The following ADGRB1 variants were observed in gnomAD, a reference collection of about 807,000 sequenced individuals.
The protein encoded by ADGRB1 is adhesion G protein-coupled receptor B1.
In ADGRB1, 36 loss-of-function variants were observed where a neutral mutation model predicts 175.7. That is an observed-to-expected ratio of 0.20 (90% confidence interval 0.16 to 0.27). ADGRB1 has a LOEUF of 0.27. ADGRB1 is among the 10% of genes least tolerant of loss of function. The probability of loss-of-function intolerance (pLI) is 1.00; values close to 1 mark genes in which losing one functional copy is unlikely to be tolerated. For synonymous variants in ADGRB1, 1,054 were observed against 979.4 expected (o/e 1.08, Z -1.42); for missense variants, 1,731 against 2,255.3 (o/e 0.77, Z 4.71).
chr8:142,501,528 GGGTGGTGGTGGTGATGGTGATGT>G (rs1195234522), intron 17 of ADGRB1, among the ~76,000 whole-genome samples: 1 of 144,546 alleles, frequency 6.9e-6, no homozygotes, highest in African/African-American at 2.8e-5. Context: ...GATGGAGGTG[GGGTGGTGGTGGTGATGGTGATGT>G]GGTGGTGGTG....
At chr8:142,477,790 CA>C (rs1302281764) in intron 6 of ADGRB1, among the ~76,000 whole-genome samples, 9 of 152,110 alleles carry the variant, frequency 5.9e-5, no homozygotes, top group African/African-American at 2.2e-4. Flanking sequence ...ACCCATATCC[CA>C]GGCTGGATGT....
chr8:142,484,679 G>C lies in ADGRB1; in HGVS notation c.2223G>C (p.Leu741=), dbSNP rs1292062412. ...AGGCGGGCCCCAACGCCAAGGAGCT[G>C]TTCCGGCTGGTGGAGGACTTTGTGG... ...AQLAGPNAKE[L]FRLVEDFVDV... Residue 741 remains leucine (L), a synonymous_variant, in exon 13 of 31, where the codon CTG becomes CTC. Coordinates refer to ENST00000517894, the MANE Select transcript of ADGRB1 (RefSeq NM_001702.3). The C allele has an allele frequency of 6.2e-7, 1 of 1,611,392 alleles. No individual in the cohort carries two copies. Among genetic ancestry groups the C allele is most frequent in the African/African-American group, 1.3e-5 (1 of 75,022 alleles).
chr8:142,530,774 G>A (rs1371321675), intron 24 of ADGRB1, among the ~76,000 whole-genome samples: 1 of 152,170 alleles, frequency 6.6e-6, no homozygotes, highest in African/African-American at 2.4e-5. Flanking sequence ...GGGGCCAGAA[G>A]GATGTTCCCT....
intron 2 of ADGRB1, among the ~76,000 whole-genome samples, chr8:142,466,510 C>T (rs1263916533): frequency 6.6e-6 from 1 of 152,154 alleles, no homozygotes; most frequent in African/African-American, 2.4e-5. Context: ...GGAGGCAGCG[C>T]CCCTGGGCAG....
Position 142,542,499 on chromosome 8 carries a change from C to T in ADGRB1, c.4265C>T (p.Pro1422Leu). The change falls in exon 28 of 31, where the codon CCC becomes CTC. Residue 1422 changes from proline to leucine, a missense_variant. Physicochemically the swap from Pro to Leu is moderately conservative, Grantham distance 98. Coordinates refer to ENST00000517894, the MANE Select transcript of ADGRB1 (RefSeq NM_001702.3). This position sits in a 1 kb window ranked among gnomAD's most constrained non-coding sequence, Gnocchi z 6.3. ...CCTCCGCCCCCACCGCCACCACCTC[C>T]CCAGCAGCCCCTGCCCCCACCGCCC... ...PPPPPPPPPPPQQPLPPPPNL... is the reference protein window; with the variant it reads ...PPPPPPPPPPLQQPLPPPPNL... 3 of 1,388,260 alleles carry T rather than the reference C, an allele frequency of 2.2e-6. No individual in the cohort carries two copies. The highest frequency in any genetic ancestry group is 2.8e-6 in the Non-Finnish European group (3 of 1,065,560). 86.0% of individuals were successfully genotyped at this position (1,388,260 alleles called of 1,614,324 possible).
At chr8:142,524,192 C>G in intron 22 of ADGRB1, 46 bp from the exon 23 acceptor site, 1 of 1,569,330 alleles carries the variant, frequency 6.4e-7, no homozygotes, top group Non-Finnish European at 8.6e-7. Flanking sequence ...CCTCTCTGCA[C>G]GCCCCTCTGC....
chr8:142,482,519 C>T (rs979643514), intron 11 of ADGRB1, among the ~76,000 whole-genome samples: 6 of 148,100 alleles, frequency 4.1e-5, no homozygotes, highest in Non-Finnish European at 7.4e-5. Flanking sequence ...CACACTGAGC[C>T]CTGATCCTGG....
chr8:142,460,542 C>T (rs1839919539), intron 1 of ADGRB1, among the ~76,000 whole-genome samples: 1 of 152,316 alleles, frequency 6.6e-6, no homozygotes, highest in Non-Finnish European at 1.5e-5. Flanking sequence ...CCACACCCCC[C>T]TGACTTGCTG....
intron 18 of ADGRB1, among the ~76,000 whole-genome samples, chr8:142,517,560 G>A (rs1843515953): frequency 6.6e-6 from 1 of 151,838 alleles, no homozygotes; most frequent in African/African-American, 2.4e-5. Flanking sequence ...GTGACACAGA[G>A]TCACCTGCCG....
chr8:142,456,632 C>T (rs543148792), intron 1 of ADGRB1, among the ~76,000 whole-genome samples: 19 of 152,370 alleles, frequency 1.2e-4, no homozygotes, highest in African/African-American at 4.6e-4. Context: ...CTAGCCCCTC[C>T]TTGCACCGAG....
chr8:142,480,220 T>A (rs1841260039), intron 9 of ADGRB1, among the ~76,000 whole-genome samples: 1 of 152,230 alleles, frequency 6.6e-6, no homozygotes, highest in African/African-American at 2.4e-5. Flanking sequence ...AGGCCTCCTT[T>A]GCTCCTCCTT....
chr8:142,480,801 C>T (rs1841290408), intron 9 of ADGRB1, among the ~76,000 whole-genome samples: 1 of 152,220 alleles, frequency 6.6e-6, no homozygotes. Flanking sequence ...GTGTTTAAGG[C>T]TGTTGTCCCC....
intron 24 of ADGRB1, among the ~76,000 whole-genome samples, chr8:142,529,836 A>G (rs1435590671): frequency 1.4e-5 from 2 of 145,814 alleles, no homozygotes; most frequent in South Asian, 2.3e-4. Flanking sequence ...CGGTGTGTGT[A>G]TGTGTGAGTG....
intron 24 of ADGRB1, among the ~76,000 whole-genome samples, chr8:142,529,340 TTG>T (rs141219376): frequency 2.5e-4 from 37 of 150,886 alleles, no homozygotes; most frequent in East Asian, 5.9e-4. Flanking sequence ...GCAGATGTGT[TTG>T]TGTGTGTGTG....
chr8:142,522,206 C>T (rs1563737971), intron 21 of ADGRB1, 91 bp downstream of exon 21: 1 of 1,515,782 alleles, frequency 6.6e-7, no homozygotes, highest in Non-Finnish European at 8.8e-7. Context: ...TCCCCATCCC[C>T]TGTGGACCCC....
rs575758465 is a variant in ADGRB1, at chr8:142,521,947, G to T, written c.3025-18G>T. On this transcript the variant is annotated intron_variant, in intron 20 of 30. Transcript: ENST00000517894. ...GGGGAGCACCTGCCCAGCCTGCCCC[G>T]CCCTGGGCCCCACACAGGTGGTGTG... 3 of 1,570,814 alleles carry T rather than the reference G, an allele frequency of 1.9e-6. No homozygotes were observed. Among genetic ancestry groups the T allele is most frequent in the East Asian group, 2.3e-5 (1 of 42,896 alleles).
intron 5 of ADGRB1, 27 bp downstream of exon 5, chr8:142,477,305 C>G (rs772518297): frequency 1.9e-6 from 3 of 1,587,518 alleles, no homozygotes; most frequent in East Asian, 2.3e-5. Flanking sequence ...GCTGGGGCAG[C>G]GGACAGCCAG....
rs1843013826 is a variant in ADGRB1 at position 142,510,257 on chromosome 8, TG to T, written c.2676-672del. On this transcript the variant is annotated intron_variant, in intron 17 of 30. Transcript: ENST00000517894. The surrounding 1 kb of genome is among the most constrained non-coding windows in gnomAD (Gnocchi z 6.3). ...TCGCGGCCCGTAGACAGCGGGCGGC[TG>T]GGTCAGACCGCAGAGGGAAGTTTCC... is the stretch of plus-strand genomic sequence containing the variant. Among the ~76,000 whole-genome samples, 2 of 151,672 alleles carry T rather than the reference TG, an allele frequency of 1.3e-5. No homozygotes were observed. Among genetic ancestry groups the T allele is most frequent in the African/African-American group, 4.9e-5 (2 of 41,212 alleles).
chr8:142,526,247 G>C (rs974874766), intron 23 of ADGRB1, among the ~76,000 whole-genome samples: 1 of 152,196 alleles, frequency 6.6e-6, no homozygotes, highest in Non-Finnish European at 1.5e-5. Context: ...AGGCTGGCAG[G>C]GGCCTCCGGG....
Sources: allele counts gnomAD v4.1 joint callset (sites outside exome capture counted in the v4.1 genomes callset), GRCh38; gene constraint gnomAD v4.1.1; non-coding constraint Gnocchi (gnomAD v3.1); transcripts MANE v1.5; gene names NCBI Gene and HGNC (gene_info 2026-07-23, HGNC 2026-07-21).